The following NR5A2 variants were observed in gnomAD, a reference collection of about 807,000 sequenced individuals.
NR5A2 encodes the protein nuclear receptor subfamily 5 group A member 2.
Under a neutral mutation model 62.7 loss-of-function variants are expected in NR5A2, and 26 were observed. The observed-to-expected ratio is 0.41, with a 90% confidence interval of 0.30 to 0.58. The LOEUF (loss-of-function observed/expected upper bound fraction) is 0.58. Ranked by LOEUF, NR5A2 falls within the 20% of genes least tolerant of loss-of-function variation. The pLI is 0.22. For missense variants in NR5A2, 541 were observed against 669.1 expected (o/e 0.81, Z 2.11); for synonymous variants, 246 against 241.7 (o/e 1.02, Z -0.16).
intron 6 of NR5A2, among the ~76,000 whole-genome samples, chr1:200,118,349 GTATATAT>G (rs1346602939): frequency 6.6e-6 from 1 of 152,136 alleles, no homozygotes; most frequent in Non-Finnish European, 1.5e-5. Flanking sequence ...AATATACTTT[GTATATAT>G]TAAGCTACAG....
chr1:200,111,550 G>T (rs376747183), intron 6 of NR5A2, among the ~76,000 whole-genome samples: 1 of 152,150 alleles, frequency 6.6e-6, no homozygotes, highest in Non-Finnish European at 1.5e-5. Context: ...AGTCTGCTGG[G>T]ACTGAAAGTC....
At position 200,048,285 on chromosome 1, in the gene NR5A2, C is replaced by A; in HGVS notation, c.577C>A (p.Leu193Ile). Residue 193 changes from leucine to isoleucine, a missense_variant, in exon 5 of 8, where the codon CTA (leucine) becomes ATA (isoleucine). By Grantham distance (5) the Leu-to-Ile change is conservative (BLOSUM62 2). Coordinates refer to ENST00000367362, the MANE Select transcript of NR5A2 (RefSeq NM_205860.3). This position sits in a 1 kb window ranked among gnomAD's most constrained non-coding sequence, Gnocchi z 4.8. Reference sequence around the variant, plus strand: ...CCTCATCCGAGCCAATGGACTTAAGCTAGAAGCCATGTCTCAGGTGATCCA... The same window carrying A: ...CCTCATCCGAGCCAATGGACTTAAGATAGAAGCCATGTCTCAGGTGATCCA... ...KALIRANGLK[L>I]EAMSQVIQAM... 1 of 1,614,126 alleles carries A rather than the reference C, an allele frequency of 6.2e-7. No homozygotes were observed. The highest frequency in any genetic ancestry group is 2.2e-5 in the East Asian group (1 of 44,870).
At chr1:200,067,378 G>A (rs1663535673) in intron 5 of NR5A2, among the ~76,000 whole-genome samples, 1 of 152,210 alleles carries the variant, frequency 6.6e-6, no homozygotes, top group Non-Finnish European at 1.5e-5. Context: ...CCAACATGGA[G>A]AAACCCCGTC....
rs1667781942 is a variant in NR5A2, at chr1:200,147,807, G to A, written c.1379-26156G>A. On this transcript the variant is annotated intron_variant, in intron 7 of 7. Coordinates refer to ENST00000367362, the MANE Select transcript of NR5A2 (RefSeq NM_205860.3). This position sits in a 1 kb window ranked among gnomAD's most constrained non-coding sequence, Gnocchi z 4.9. ...CGGCACGGTGGGCAGCCGCCGTGGC[G>A]TCCAGCACCAGGTCCTGGCTGCAGC... 1.2e-5 allele frequency: 6 copies of A among 484,198 alleles called. No homozygotes were observed. The highest frequency in any genetic ancestry group is 6.6e-5 in the Admixed American group (2 of 30,534). 30.0% of individuals were successfully genotyped at this position (484,198 alleles called of 1,614,324 possible).
chr1:200,128,831 A>T (rs1666844327), intron 7 of NR5A2, among the ~76,000 whole-genome samples: 1 of 152,228 alleles, frequency 6.6e-6, no homozygotes, highest in African/African-American at 2.4e-5. Context: ...CATTGTTAAT[A>T]GTAAATAAAA....
intron 7 of NR5A2, among the ~76,000 whole-genome samples, chr1:200,130,728 G>T (rs543584504): frequency 6.6e-6 from 1 of 152,250 alleles, no homozygotes; most frequent in South Asian, 2.1e-4. Context: ...CCTGAAGCTG[G>T]TCACAATATT....
chr1:200,174,433 C>T lies in NR5A2; in HGVS notation c.*223C>T. On this transcript the variant is annotated 3_prime_UTR_variant, in exon 8 of 8. Transcript: ENST00000367362. ...TGTATTGCAAACTGTGAATCAAAGG[C>T]TTCACAGCCCCAGAGGATTCCATAT... The T allele has an allele frequency of 8.1e-6, 3 of 369,420 alleles. No individual in the cohort carries two copies. Among genetic ancestry groups the T allele is most frequent in the Non-Finnish European group, 1.4e-5 (3 of 213,636 alleles). 22.9% of individuals were successfully genotyped at this position (369,420 alleles called of 1,614,324 possible).
chr1:200,139,178 C>T (rs751749685), intron 7 of NR5A2, among the ~76,000 whole-genome samples: 22 of 152,046 alleles, frequency 1.4e-4, no homozygotes, highest in South Asian at 2.1e-4. Flanking sequence ...ATAATGCAAA[C>T]CTTTTCTGTA....
intron 1 of NR5A2, among the ~76,000 whole-genome samples, chr1:200,036,799 C>T (rs1047376709): frequency 6.6e-6 from 1 of 152,284 alleles, no homozygotes; most frequent in East Asian, 1.9e-4. Context: ...CGTTTTCTCT[C>T]GCTCGAGACT....
At chr1:200,111,799 T>G (rs1416060927) in intron 6 of NR5A2, among the ~76,000 whole-genome samples, 2 of 152,092 alleles carry the variant, frequency 1.3e-5, no homozygotes, top group Admixed American at 1.3e-4. Flanking sequence ...GAATTTCAGT[T>G]TTCAAGATCC....
intron 5 of NR5A2, among the ~76,000 whole-genome samples, chr1:200,102,964 C>T (rs1665454828): frequency 6.6e-6 from 1 of 152,040 alleles, no homozygotes; most frequent in African/African-American, 2.4e-5. Context: ...GGACCATGAA[C>T]TCTTCAGATA....
At chr1:200,034,871 A>G (rs777169697) in intron 1 of NR5A2, among the ~76,000 whole-genome samples, 3 of 139,932 alleles carry the variant, frequency 2.1e-5, no homozygotes, top group Non-Finnish European at 3.0e-5. Context: ...TTCGATCAAC[A>G]CGACGCTCCC....
intron 5 of NR5A2, among the ~76,000 whole-genome samples, chr1:200,052,978 T>C (rs553811650): frequency 2.4e-4 from 37 of 152,280 alleles, no homozygotes; most frequent in African/African-American, 8.7e-4. Flanking sequence ...TTACACTCTC[T>C]ACCACATAGG....
chr1:200,165,113 G>A (rs1653836704), intron 7 of NR5A2, among the ~76,000 whole-genome samples: 2 of 152,032 alleles, frequency 1.3e-5, no homozygotes, highest in Non-Finnish European at 2.9e-5. Flanking sequence ...CTGACCTCAG[G>A]TGATCTGCCC....
At chr1:200,058,428 A>C (rs889600758) in intron 5 of NR5A2, 1 of 152,048 alleles carries the variant, frequency 6.6e-6, no homozygotes, top group African/African-American at 2.4e-5. Context: ...TACCGAAGAG[A>C]GTGGTTTTTC....
chr1:200,135,478 G>A (rs185332090), intron 7 of NR5A2, among the ~76,000 whole-genome samples: 12 of 150,850 alleles, frequency 8.0e-5, no homozygotes, highest in East Asian at 1.9e-4. Flanking sequence ...CCAAGATTGC[G>A]CCCCTGCTCT....
intron 5 of NR5A2, among the ~76,000 whole-genome samples, chr1:200,077,348 C>G (rs1227723945): frequency 6.6e-6 from 1 of 152,222 alleles, no homozygotes; most frequent in Non-Finnish European, 1.5e-5. Context: ...GTTTCAGTAA[C>G]TCATTTTCAC....
At chr1:200,173,391 A>T (rs1654272040) in intron 7 of NR5A2, among the ~76,000 whole-genome samples, 2 of 152,264 alleles carry the variant, frequency 1.3e-5, no homozygotes, top group Admixed American at 1.3e-4. Flanking sequence ...CCCAGTAGCG[A>T]ATATTCTGTT....
Position 200,033,268 on chromosome 1 carries a change from T to A in NR5A2, c.64+5357T>A, listed in dbSNP as rs1444323115. Among the ~76,000 whole-genome samples the A allele has an allele frequency of 2.6e-5, 4 of 152,200 alleles. No homozygotes were observed. In the East Asian group the frequency reaches 7.7e-4, roughly 29 times the overall value. ...GAACTGAGAGGAAATTCAGAGCATG[T>A]ACTTGTTATAGAGTCAGTGAGTATG... On this transcript the variant is annotated intron_variant, in intron 1 of 7. Transcript: ENST00000367362.
Sources: gnomAD v4.1 joint callset for allele counts (sites outside exome capture counted in the v4.1 genomes callset) on GRCh38, gnomAD v4.1.1 for gene constraint, Gnocchi (gnomAD v3.1) non-coding constraint, MANE v1.5 for transcripts, NCBI Gene and HGNC (gene_info 2026-07-23, HGNC 2026-07-21) for gene names.